The following NEDD4L variants were observed in gnomAD, a reference collection of about 807,000 sequenced individuals.
NEDD4L encodes E3 ubiquitin-protein ligase NEDD4-like.
In NEDD4L, 54 loss-of-function variants were observed where a neutral mutation model predicts 148.9. That is an observed-to-expected ratio of 0.36 (90% CI 0.29 to 0.45). The LOEUF (loss-of-function observed/expected upper bound fraction) is 0.45, where lower values mean the gene tolerates loss of function less well. Among genes scored for constraint, NEDD4L ranks in the 20% least tolerant of loss-of-function variants. The probability of loss-of-function intolerance (pLI) is 1.00; values close to 1 mark genes in which losing one functional copy is unlikely to be tolerated. For synonymous variants in NEDD4L, 433 were observed against 440.7 expected (o/e 0.98, Z 0.22); for missense variants, 856 against 1,233.8 (o/e 0.69, Z 4.59).
At chr18:58,198,154 T>C (rs1481216259) in intron 2 of NEDD4L, among the ~76,000 whole-genome samples, 1 of 152,210 alleles carries the variant, frequency 6.6e-6, no homozygotes, top group Non-Finnish European at 1.5e-5. Flanking sequence ...TACATGTTTA[T>C]GTCGAGAACT....
rs375577826 is a variant in NEDD4L, at chr18:58,044,683, C to T, written c.23C>T (p.Pro8Leu). Residue 8 changes from proline (P) to leucine (L), a missense_variant, in exon 1 of 31, where the codon CCG becomes CTG. Physicochemically the swap from Pro to Leu is moderately conservative, Grantham distance 98. Around this residue, in one of 4 missense-constraint regions of NEDD4L, gnomAD observed 193 missense variants for 244.2 expected, o/e 0.79. Coordinates refer to ENST00000400345, the MANE Select transcript of NEDD4L (RefSeq NM_001144967.3). Reference protein sequence around the residue: MATGLGEPVYGLSEDEGE... With the variant: MATGLGELVYGLSEDEGE... ...TCCATGGCGACCGGGCTCGGGGAGC[C>T]GGTCTATGGACTTTCCGAAGACGAG... The T allele has an allele frequency of 6.2e-7, 1 of 1,605,410 alleles. No individual in the cohort carries two copies. The highest frequency in any genetic ancestry group is 8.5e-7 in the Non-Finnish European group (1 of 1,176,080).
intron 29 of NEDD4L, 50 bp downstream of exon 29, chr18:58,390,792 A>G (rs1294579066): frequency 7.3e-7 from 1 of 1,368,240 alleles, no homozygotes; most frequent in Non-Finnish European, 1.0e-6. Context: ...ATTTCCAGCC[A>G]GGCATGAACT....
chr18:58,299,730 G>C (rs992266624), intron 5 of NEDD4L, among the ~76,000 whole-genome samples: 3 of 152,142 alleles, frequency 2.0e-5, no homozygotes, highest in African/African-American at 7.2e-5. Context: ...GAATTGGGGT[G>C]GGGGTAATGG....
rs1305985187 is a variant in NEDD4L at position 58,366,134 on chromosome 18, G to C, written c.1969G>C (p.Gly657Arg). Reference sequence around the variant, plus strand: ...GTGGATTGAGTTTGAATCAGAGAAAGGTCTTGACTATGGGGGTGTGGCCAG... The same window carrying C: ...GTGGATTGAGTTTGAATCAGAGAAACGTCTTGACTATGGGGGTGTGGCCAG... ...RLWIEFESEKGLDYGGVAREW... is the reference protein window; with the variant it reads ...RLWIEFESEKRLDYGGVAREW... Residue 657 changes from glycine (G) to arginine (R), a missense_variant, in exon 21 of 31, where the codon GGT becomes CGT. This residue lies in a region of NEDD4L where 286 missense variants were observed against 531.8 expected (regional missense o/e 0.54). Transcript: ENST00000400345. This position sits in a 1 kb window ranked among gnomAD's most constrained non-coding sequence, Gnocchi z 4.2. The C allele has an allele frequency of 6.2e-7, 1 of 1,613,722 alleles. No individual in the cohort carries two copies. The highest frequency in any genetic ancestry group is 8.5e-7 in the Non-Finnish European group (1 of 1,179,796).
At chr18:58,297,103 T>A (rs1383677974) in intron 5 of NEDD4L, among the ~76,000 whole-genome samples, 1 of 151,980 alleles carries the variant, frequency 6.6e-6, no homozygotes, top group African/African-American at 2.4e-5. Flanking sequence ...AATAAATAAA[T>A]AAAAATAAAC....
At chr18:58,294,200 C>T (rs774420149) in intron 5 of NEDD4L, among the ~76,000 whole-genome samples, 1 of 151,904 alleles carries the variant, frequency 6.6e-6, no homozygotes, top group Non-Finnish European at 1.5e-5. Flanking sequence ...CCAAAATAAA[C>T]CCAAGGATTC....
At chr18:58,082,391 A>C (rs2083506833) in intron 1 of NEDD4L, among the ~76,000 whole-genome samples, 1 of 150,080 alleles carries the variant, frequency 6.7e-6, no homozygotes, top group African/African-American at 2.5e-5. Context: ...CAGGCCTTCT[A>C]ATAAATATTA....
At chr18:58,303,450 C>A (rs1276636135) in intron 5 of NEDD4L, among the ~76,000 whole-genome samples, 2 of 152,160 alleles carry the variant, frequency 1.3e-5, no homozygotes, top group African/African-American at 4.8e-5. Flanking sequence ...CCATTAATAG[C>A]CCTATGTAGC....
chr18:58,310,827 C>T (rs1307211420), intron 5 of NEDD4L, among the ~76,000 whole-genome samples: 3 of 152,208 alleles, frequency 2.0e-5, no homozygotes, highest in African/African-American at 7.2e-5. Context: ...TAGCTGCACT[C>T]GCTAGTCCTC....
At chr18:58,164,230 C>T (rs550504011) in intron 1 of NEDD4L, among the ~76,000 whole-genome samples, 4 of 152,212 alleles carry the variant, frequency 2.6e-5, no homozygotes, top group South Asian at 4.1e-4. Context: ...TTCCATCCCG[C>T]ACACCCCCAC....
chr18:58,160,219 T>C (rs1763107205), intron 1 of NEDD4L, among the ~76,000 whole-genome samples: 1 of 152,256 alleles, frequency 6.6e-6, no homozygotes, highest in Non-Finnish European at 1.5e-5. Flanking sequence ...GCACAGTTTA[T>C]ATGAGTAGGG....
chr18:58,343,407 T>C (rs949527287), intron 16 of NEDD4L, among the ~76,000 whole-genome samples: 3 of 144,992 alleles, frequency 2.1e-5, no homozygotes, highest in African/African-American at 5.8e-5. Flanking sequence ...ATTTTGTTAA[T>C]TGATCCCGTC....
In NEDD4L at chr18:58,385,604, G is replaced by C. The variant is rs759309653; in HGVS notation, c.2487+18G>C. 1 of 1,608,688 alleles carries C rather than the reference G, an allele frequency of 6.2e-7. No homozygotes were observed. The highest frequency in any genetic ancestry group is 8.5e-7 in the Non-Finnish European group (1 of 1,175,070). On this transcript the variant is annotated intron_variant, in intron 26 of 30. Coordinates refer to ENST00000400345, the MANE Select transcript of NEDD4L (RefSeq NM_001144967.3). ...TCTTGGAGGTAAGCCATGCTGGCCAGGGTTCTCTGCCATGTGCCTCTGGTC... is the reference window on the plus strand; with the variant it reads ...TCTTGGAGGTAAGCCATGCTGGCCACGGTTCTCTGCCATGTGCCTCTGGTC...
At chr18:58,222,085 T>A (rs1386132996) in intron 2 of NEDD4L, among the ~76,000 whole-genome samples, 2 of 152,222 alleles carry the variant, frequency 1.3e-5, no homozygotes, top group African/African-American at 4.8e-5. Flanking sequence ...AAAGCAATAA[T>A]ACTTTTATTT....
At chr18:58,240,704 T>G in intron 2 of NEDD4L, among the ~76,000 whole-genome samples, 2 of 152,178 alleles carry the variant, frequency 1.3e-5, no homozygotes, top group East Asian at 3.8e-4. Flanking sequence ...CGCGGAGGCC[T>G]TCCGTTGGGT....
At position 58,172,462 on chromosome 18, in the gene NEDD4L, G is replaced by C. The variant is rs556308629; in HGVS notation, c.122+6601G>C. Reference sequence around the variant, plus strand: ...AGCAGCTCCTGTTTCTTGAGCACTTGCTATGTGCCAGATGTGGTTTGAACT... The same window carrying C: ...AGCAGCTCCTGTTTCTTGAGCACTTCCTATGTGCCAGATGTGGTTTGAACT... On this transcript the variant is annotated intron_variant, in intron 2 of 30. Transcript: ENST00000400345. Among the ~76,000 whole-genome samples the C allele has an allele frequency of 2.0e-5, 3 of 152,340 alleles. No homozygotes were observed. In the South Asian group the frequency reaches 6.2e-4, roughly 32 times the overall value.
intron 1 of NEDD4L, among the ~76,000 whole-genome samples, chr18:58,048,366 C>T (rs1015626308): frequency 3.3e-5 from 5 of 152,022 alleles, no homozygotes; most frequent in Admixed American, 1.3e-4. Flanking sequence ...TTTTAAGATG[C>T]GCCATGAGAG....
chr18:58,289,427 G>A (rs1300970727), intron 5 of NEDD4L, among the ~76,000 whole-genome samples: 4 of 152,138 alleles, frequency 2.6e-5, no homozygotes, highest in Non-Finnish European at 5.9e-5. Context: ...AAAAAGCAGC[G>A]GAGAACCAGT....
chr18:58,396,904 TACTC>T lies in NEDD4L; in HGVS notation c.*637_*640del, dbSNP rs1245839078. On this transcript the variant is annotated 3_prime_UTR_variant, in exon 31 of 31. Transcript: ENST00000400345. Reference sequence around the variant, plus strand: ...TTAGACATAATGATAATTTTTTCCATACTCAGAATGAAAAACTGGATATTACGTT... The same window carrying T: ...TTAGACATAATGATAATTTTTTCCATAGAATGAAAAACTGGATATTACGTT... 6.6e-6 allele frequency: 1 copy of T among 152,658 alleles called. No homozygotes were observed. Among genetic ancestry groups the T allele is most frequent in the Non-Finnish European group, 1.5e-5 (1 of 68,038 alleles). 9.5% of individuals were successfully genotyped at this position (152,658 alleles called of 1,614,324 possible).
Sources: allele counts gnomAD v4.1 joint callset (sites outside exome capture counted in the v4.1 genomes callset), GRCh38; gene constraint gnomAD v4.1.1; regional missense constraint gnomAD v4.1.1; non-coding constraint Gnocchi (gnomAD v3.1); transcripts MANE v1.5; gene names NCBI Gene and HGNC (gene_info 2026-07-23, HGNC 2026-07-21).